Variants in SLC35D4 observed in about 807,000 individuals in gnomAD.
SLC35D4 encodes UDP-N-acetylglucosamine transporter SLC35D4.
chr18:23,370,442 A>C, the SLC35D4 span, among the ~76,000 whole-genome samples: 8 of 152,330 alleles, frequency 5.3e-5, no homozygotes, highest in Middle Eastern at 3.4e-3. Context: ...GGAAGGCTTC[A>C]AGGATACAAA....
the SLC35D4 span, among the ~76,000 whole-genome samples, chr18:23,334,798 T>C: frequency 6.6e-6 from 1 of 151,948 alleles, no homozygotes; most frequent in Non-Finnish European, 1.5e-5. Flanking sequence ...GTCGGACGGG[T>C]TCGAGACCAG....
the SLC35D4 span, among the ~76,000 whole-genome samples, chr18:23,371,926 G>GTTT: frequency 0.011 from 129 of 11,850 alleles, 9 homozygotes; most frequent in African/African-American, 0.033. Flanking sequence ...TTTCTTCCTT[G>GTTT]TTTTTTTTGT....
the SLC35D4 span, among the ~76,000 whole-genome samples, chr18:23,281,695 G>T: frequency 6.6e-6 from 1 of 152,122 alleles, no homozygotes; most frequent in Non-Finnish European, 1.5e-5. Context: ...AACAGGGAGC[G>T]TGTGTTTGCT....
At chr18:23,309,289 TTATTATACATATTA>T in the SLC35D4 span, among the ~76,000 whole-genome samples, 9 of 151,944 alleles carry the variant, frequency 5.9e-5, no homozygotes, top group South Asian at 2.1e-4. Context: ...ACATTACATA[TTATTATACATATTA>T]TATTATACAT....
the SLC35D4 span, among the ~76,000 whole-genome samples, chr18:23,402,825 G>T: frequency 6.6e-6 from 1 of 151,716 alleles, no homozygotes; most frequent in Non-Finnish European, 1.5e-5. Flanking sequence ...TATAAAAATA[G>T]GCCAGGTGTG....
chr18:23,371,935 G>GTTTTTTTTTTTTTTTTT, the SLC35D4 span, among the ~76,000 whole-genome samples: 26 of 35,460 alleles, frequency 7.3e-4, 6 homozygotes, highest in Non-Finnish European at 9.3e-4. Context: ...TGTTTTTTTT[G>GTTTTTTTTTTTTTTTTT]TTTTTTTTTT....
At chr18:23,307,302 T>C in the SLC35D4 span, among the ~76,000 whole-genome samples, 1 of 152,262 alleles carries the variant, frequency 6.6e-6, no homozygotes, top group African/African-American at 2.4e-5. Context: ...AATTAAAGCA[T>C]GCCTATTCAT....
the SLC35D4 span, among the ~76,000 whole-genome samples, chr18:23,349,814 T>C: frequency 6.6e-6 from 1 of 152,232 alleles, no homozygotes; most frequent in African/African-American, 2.4e-5. Context: ...TTTTTACCTC[T>C]AGAATTTCCA....
the SLC35D4 span, among the ~76,000 whole-genome samples, chr18:23,400,310 G>A: frequency 3.3e-5 from 5 of 152,142 alleles, no homozygotes; most frequent in African/African-American, 1.2e-4. Context: ...GTTGCAACCT[G>A]CTTCTCTCAT....
the SLC35D4 span, among the ~76,000 whole-genome samples, chr18:23,408,836 T>TA: frequency 7.6e-6 from 1 of 131,526 alleles, no homozygotes; most frequent in African/African-American, 2.7e-5. Flanking sequence ...TTTTTTTTTT[T>TA]ATTAAAAAGT....
At chr18:23,257,452 G>C in the SLC35D4 span, 892 of 1,417,120 alleles carry the variant, frequency 6.3e-4, 1 homozygote, top group Non-Finnish European at 7.3e-4. Flanking sequence ...AAAAAAAGTA[G>C]AACTCAGAAT....
chr18:23,250,238 A>G, the SLC35D4 span, among the ~76,000 whole-genome samples: 1 of 152,240 alleles, frequency 6.6e-6, no homozygotes, highest in Admixed American at 6.5e-5. Flanking sequence ...ACAAAGGCAG[A>G]TGACTTTACT....
chr18:23,360,873 G>A, the SLC35D4 span, among the ~76,000 whole-genome samples: 111 of 152,120 alleles, frequency 7.3e-4, no homozygotes, highest in African/African-American at 2.4e-3. Flanking sequence ...AGGCCAAGGC[G>A]GGTGGATCAC....
chr18:23,436,800 T>A, the SLC35D4 span, among the ~76,000 whole-genome samples: 9 of 151,626 alleles, frequency 5.9e-5, no homozygotes, highest in African/African-American at 1.9e-4. Context: ...CTCAAAAAAA[T>A]AAAAATAAAA....
the SLC35D4 span, among the ~76,000 whole-genome samples, chr18:23,306,310 C>A: frequency 1.2e-3 from 180 of 151,704 alleles, no homozygotes; most frequent in African/African-American, 3.5e-3. Flanking sequence ...CTTTCTTCTT[C>A]TTATTTTTTT....
the SLC35D4 span, among the ~76,000 whole-genome samples, chr18:23,328,950 C>T: frequency 6.6e-6 from 1 of 152,050 alleles, no homozygotes; most frequent in African/African-American, 2.4e-5. Flanking sequence ...AAACAAGAAA[C>T]AGGGAAAAGA....
the SLC35D4 span, among the ~76,000 whole-genome samples, chr18:23,434,233 T>C: frequency 1.3e-5 from 2 of 152,128 alleles, no homozygotes; most frequent in South Asian, 2.1e-4. Flanking sequence ...GCTCACCTCC[T>C]CCTCCCTCTG....
At chr18:23,256,529 G>A in the SLC35D4 span, among the ~76,000 whole-genome samples, 3 of 152,150 alleles carry the variant, frequency 2.0e-5, no homozygotes, top group African/African-American at 7.2e-5. Context: ...TGCCCAGGCT[G>A]GAGTTCGGTG....
chr18:23,246,593 G>A, the SLC35D4 span, among the ~76,000 whole-genome samples: 11,511 of 150,592 alleles, frequency 0.076, 1,300 homozygotes, highest in African/African-American at 0.23. Flanking sequence ...GGGTTTCACC[G>A]TGTTAGCCAG....
Sources: allele counts gnomAD v4.1 joint callset (sites outside exome capture counted in the v4.1 genomes callset), GRCh38; gene constraint gnomAD v4.1.1; transcripts MANE v1.5; gene names NCBI Gene and HGNC (gene_info 2026-07-23, HGNC 2026-07-21).